Variants in CREB5 observed in about 807,000 individuals in gnomAD.
The protein encoded by CREB5 is cAMP responsive element binding protein 5.
CREB5 carries 19 observed loss-of-function variants against 57.1 expected under a neutral mutation model. That is an observed-to-expected ratio of 0.33 (90% CI 0.23 to 0.49). CREB5 has a LOEUF of 0.49. Ranked by LOEUF, CREB5 falls within the 20% of genes least tolerant of loss-of-function variation. The probability of loss-of-function intolerance (pLI) is 0.99; values close to 1 mark genes in which losing one functional copy is unlikely to be tolerated. For synonymous variants in CREB5, 238 were observed against 238.3 expected (o/e 1.00, Z 0.01); for missense variants, 579 against 671.6 (o/e 0.86, Z 1.52).
chr7:28,755,308 A>T (rs1002188479), intron 7 of CREB5, among the ~76,000 whole-genome samples: 3 of 152,220 alleles, frequency 2.0e-5, no homozygotes, highest in Non-Finnish European at 4.4e-5. Flanking sequence ...AGAGAAGGGT[A>T]TTGGTGCCGT....
intron 5 of CREB5, among the ~76,000 whole-genome samples, chr7:28,644,163 G>C (rs1227171644): frequency 1.3e-5 from 2 of 151,690 alleles, no homozygotes; most frequent in Non-Finnish European, 2.9e-5. Flanking sequence ...AAGAAAGAAA[G>C]AAAGAGAAAG....
chr7:28,665,246 G>A (rs780726430), intron 5 of CREB5, among the ~76,000 whole-genome samples: 10 of 152,116 alleles, frequency 6.6e-5, no homozygotes, highest in Non-Finnish European at 1.3e-4. Context: ...AGGGGAGAGC[G>A]GAAACCAGTG....
intron 5 of CREB5, among the ~76,000 whole-genome samples, chr7:28,696,203 C>T (rs1329562610): frequency 6.6e-6 from 1 of 151,272 alleles, no homozygotes; most frequent in East Asian, 1.9e-4. Flanking sequence ...ATTGTGCCTC[C>T]CGACCTTGAA....
At chr7:28,519,037 C>G (rs1793095184) in intron 4 of CREB5, among the ~76,000 whole-genome samples, 1 of 152,216 alleles carries the variant, frequency 6.6e-6, no homozygotes, top group Admixed American at 6.5e-5. Context: ...ACTAGAGCAT[C>G]TCACTTTGAA....
intron 5 of CREB5, among the ~76,000 whole-genome samples, chr7:28,647,909 C>T (rs1798948395): frequency 6.6e-6 from 1 of 151,702 alleles, no homozygotes; most frequent in Admixed American, 6.6e-5. Flanking sequence ...AGTGAGACCC[C>T]CAACTCTACA....
chr7:28,424,045 G>A (rs1027016617), intron 1 of CREB5, among the ~76,000 whole-genome samples: 67 of 152,300 alleles, frequency 4.4e-4, no homozygotes, highest in African/African-American at 1.6e-3. Flanking sequence ...GGGCCTGTGA[G>A]GAAGAATCTG....
chr7:28,792,484 A>C (rs1228344739), intron 7 of CREB5, among the ~76,000 whole-genome samples: 1 of 152,218 alleles, frequency 6.6e-6, no homozygotes, highest in African/African-American at 2.4e-5. Flanking sequence ...ATCAGCTCAG[A>C]AGAAAGTTGC....
rs1799525040 is a variant in CREB5, at chr7:28,659,830, TAAG to T, written c.465-58920_465-58918del. ...CTCCTCTTGATATAAGAAATAAAAATAAGAAATATATATATTAAACTATAACAG... is the reference window on the plus strand; with the variant it reads ...CTCCTCTTGATATAAGAAATAAAAATAAATATATATATTAAACTATAACAG... On this transcript the variant is annotated intron_variant, in intron 5 of 10. Coordinates refer to ENST00000357727, the MANE Select transcript of CREB5 (RefSeq NM_182898.4). 2.6e-5 allele frequency among the ~76,000 whole-genome samples: 4 copies of T among 151,962 alleles called. No homozygotes were observed. In the South Asian group the frequency reaches 8.3e-4, roughly 32 times the overall value.
chr7:28,732,694 C>A (rs1803718972), intron 7 of CREB5, among the ~76,000 whole-genome samples: 1 of 147,090 alleles, frequency 6.8e-6, no homozygotes, highest in Non-Finnish European at 1.5e-5. Flanking sequence ...GTTTGCTTTG[C>A]ACTTTGGGAT....
chr7:28,804,865 G>A (rs1808615964), intron 8 of CREB5, among the ~76,000 whole-genome samples: 1 of 152,214 alleles, frequency 6.6e-6, no homozygotes, highest in South Asian at 2.1e-4. Context: ...TGTGAAGAAA[G>A]ATGTGAATTA....
At chr7:28,566,882 C>T (rs1198914529) in intron 4 of CREB5, among the ~76,000 whole-genome samples, 4 of 152,054 alleles carry the variant, frequency 2.6e-5, no homozygotes, top group Non-Finnish European at 5.9e-5. Flanking sequence ...TGAAGAGATG[C>T]CTTTAAAGTG....
chr7:28,726,233 G>A (rs2128749971), intron 7 of CREB5, among the ~76,000 whole-genome samples: 2 of 152,206 alleles, frequency 1.3e-5, no homozygotes, highest in South Asian at 4.1e-4. Flanking sequence ...TCTATCATAG[G>A]GTTGGGGCTT....
chr7:28,301,755 T>C (rs140614305), intron 1 of CREB5, among the ~76,000 whole-genome samples: 1 of 152,368 alleles, frequency 6.6e-6, no homozygotes, highest in East Asian at 1.9e-4. Context: ...TTCTGTTGTT[T>C]ACAGGTTTGT....
intron 5 of CREB5, among the ~76,000 whole-genome samples, chr7:28,659,846 TAAACTA>T (rs946013128): frequency 1.2e-4 from 19 of 152,224 alleles, no homozygotes; most frequent in African/African-American, 3.9e-4. Flanking sequence ...ATATATATAT[TAAACTA>T]TAACAGCACT....
chr7:28,432,106 A>G (rs1420143548), intron 1 of CREB5, among the ~76,000 whole-genome samples: 1 of 151,958 alleles, frequency 6.6e-6, no homozygotes, highest in African/African-American at 2.4e-5. Flanking sequence ...GGGCAAAGAT[A>G]AAAACATGCA....
At chr7:28,701,001 G>A (rs987804915) in intron 5 of CREB5, among the ~76,000 whole-genome samples, 1 of 150,584 alleles carries the variant, frequency 6.6e-6, no homozygotes, top group African/African-American at 2.4e-5. Flanking sequence ...TGTGAGTAAA[G>A]TAGACAGTCT....
intron 1 of CREB5, among the ~76,000 whole-genome samples, chr7:28,343,993 T>A (rs1193277291): frequency 6.6e-6 from 1 of 152,214 alleles, no homozygotes; most frequent in Non-Finnish European, 1.5e-5. Context: ...TGGTCATTTG[T>A]ATGTCTTCTT....
At chr7:28,784,200 T>A (rs1807169739) in intron 7 of CREB5, among the ~76,000 whole-genome samples, 1 of 152,244 alleles carries the variant, frequency 6.6e-6, no homozygotes, top group African/African-American at 2.4e-5. Flanking sequence ...ACTTCAAGTC[T>A]TGGGGCTGAG....
chr7:28,436,678 T>C (rs1301567970), intron 1 of CREB5, among the ~76,000 whole-genome samples: 1 of 152,200 alleles, frequency 6.6e-6, no homozygotes, highest in Non-Finnish European at 1.5e-5. Flanking sequence ...CCAAGGCATT[T>C]TTTTTTCTAG....
Sources: allele counts gnomAD v4.1 joint callset (sites outside exome capture counted in the v4.1 genomes callset), GRCh38; gene constraint gnomAD v4.1.1; transcripts MANE v1.5; gene names NCBI Gene and HGNC (gene_info 2026-07-23, HGNC 2026-07-21).